Variants in ZZEF1 observed in about 807,000 individuals in gnomAD.
ZZEF1 encodes zinc finger ZZ-type and EF-hand domain-containing protein 1.
ZZEF1 carries 157 observed loss-of-function variants against 342.8 expected under a neutral mutation model. The ratio of observed to expected loss-of-function variants is 0.46; its 90% confidence interval spans 0.40 to 0.52. ZZEF1 has a LOEUF of 0.52. Among genes scored for constraint, ZZEF1 ranks in the 20% least tolerant of loss-of-function variants. The pLI is 0.00. For synonymous variants in ZZEF1, 1,505 were observed against 1,429.1 expected, an observed-to-expected ratio of 1.05 and a Z score of -1.20; for missense variants, 3,480 against 3,725.6, an observed-to-expected ratio of 0.93 and a Z score of 1.72.
chr17:4,054,049 A>C lies in ZZEF1; in HGVS notation c.5434+8T>G. 1 of 1,608,570 alleles carries C rather than the reference A, an allele frequency of 6.2e-7. No homozygotes were observed. The highest frequency in any genetic ancestry group is 8.5e-7 in the Non-Finnish European group (1 of 1,177,028). Reference sequence around the variant, plus strand: ...TTGGATACGGCGTACCCAGTTCATGAAATTTACCTAGGAAGCAAGTTTTGC... The same window carrying C: ...TTGGATACGGCGTACCCAGTTCATGCAATTTACCTAGGAAGCAAGTTTTGC... On this transcript the variant is annotated splice_region_variant and intron_variant, in intron 34 of 54. Coordinates refer to ENST00000381638, the MANE Select transcript of ZZEF1 (RefSeq NM_015113.4).
intron 13 of ZZEF1, among the ~76,000 whole-genome samples, chr17:4,087,741 ATATGTATG>A (rs779337775): frequency 6.6e-6 from 1 of 151,694 alleles, no homozygotes; most frequent in Admixed American, 6.6e-5. Context: ...TGTGTGTGTT[ATATGTATG>A]TATGTATGTA....
intron 16 of ZZEF1, among the ~76,000 whole-genome samples, chr17:4,084,393 A>G (rs2057780833): frequency 6.6e-6 from 1 of 151,534 alleles, no homozygotes; most frequent in Admixed American, 6.6e-5. Flanking sequence ...AATTTTGTTT[A>G]TATGTTGTTG....
chr17:4,020,310 A>C (rs2056236070), intron 45 of ZZEF1, among the ~76,000 whole-genome samples: 1 of 152,206 alleles, frequency 6.6e-6, no homozygotes. Flanking sequence ...TATCAATGAC[A>C]TCATCATTTT....
At chr17:4,075,060 G>A in intron 23 of ZZEF1, 37 bp downstream of exon 23, 1 of 1,596,272 alleles carries the variant, frequency 6.3e-7, no homozygotes, top group Non-Finnish European at 8.6e-7. Context: ...AAGCATTGGT[G>A]CAGAAGTAGG....
rs912738200 is a variant in ZZEF1, at chr17:4,027,289, T to C, written c.6893-2171A>G. On this transcript the variant is annotated intron_variant, in intron 42 of 54. Transcript: ENST00000381638. The stretch of plus-strand genomic sequence containing the variant: ...CTACGCACCCAGCAATATCTCACTT[T>C]TTTTTTTTTTTTTTTTTTTTTTTGA... Among the ~76,000 whole-genome samples the C allele has an allele frequency of 1.1e-3, 133 of 124,148 alleles. 2 individuals are homozygous for C. The highest frequency in any genetic ancestry group is 6.3e-4 in the Non-Finnish European group (39 of 62,042). The allele number at this position is 124,148 out of a possible 152,430, so 81.4% of individuals were successfully genotyped here. A position where few individuals can be genotyped will look rare whatever the true frequency, so the allele number is the denominator to read the frequency against.
chr17:4,106,789 A>G (rs1220537734), intron 6 of ZZEF1, among the ~76,000 whole-genome samples: 1 of 152,248 alleles, frequency 6.6e-6, no homozygotes, highest in African/African-American at 2.4e-5. Context: ...GACTGAATGT[A>G]CCATGAAAAA....
Position 4,070,830 on chromosome 17 carries a change from A to G in ZZEF1, c.3929T>C (p.Leu1310Pro), listed in dbSNP as rs779662451. ...AQNFCGPYSE[L>P]FKGFIQACRK... ...ACATGCCTGTATGAATCCTTTGAAAAGTTCTGAATATGGCCCACAGAAGTT... is the reference window on the plus strand; with the variant it reads ...ACATGCCTGTATGAATCCTTTGAAAGGTTCTGAATATGGCCCACAGAAGTT... The change falls in exon 26 of 55, where the codon CTT becomes CCT. Residue 1310 changes from leucine (L) to proline (P), a missense_variant. Around this residue, in one of 5 missense-constraint regions of ZZEF1, gnomAD observed 1,528 missense variants for 1,624.1 expected, o/e 0.94. Transcript: ENST00000381638. 6 of 1,614,044 alleles carry G rather than the reference A, an allele frequency of 3.7e-6. No homozygotes were observed. The highest frequency in any genetic ancestry group is 5.1e-6 in the Non-Finnish European group (6 of 1,180,046).
chr17:4,097,476 GGAAAAAA>G (rs2058056563), intron 9 of ZZEF1, among the ~76,000 whole-genome samples: 3 of 113,962 alleles, frequency 2.6e-5, no homozygotes, highest in Non-Finnish European at 3.5e-5. Flanking sequence ...CTTTGAAATG[GGAAAAAA>G]AAAAAAAAAA....
At chr17:4,131,527 C>A (rs1000461899) in intron 1 of ZZEF1, among the ~76,000 whole-genome samples, 1 of 151,894 alleles carries the variant, frequency 6.6e-6, no homozygotes, top group African/African-American at 2.4e-5. Context: ...GCCTGTAATC[C>A]CAGCACTTTG....
chr17:4,019,064 G>A (rs947554710), intron 46 of ZZEF1, among the ~76,000 whole-genome samples: 1 of 151,764 alleles, frequency 6.6e-6, no homozygotes, highest in African/African-American at 2.4e-5. Context: ...AGCTTAGACT[G>A]TACCCTAACT....
chr17:4,068,213 CTGATAATTATTTT>C (rs2057440161), intron 26 of ZZEF1, among the ~76,000 whole-genome samples: 2 of 152,086 alleles, frequency 1.3e-5, no homozygotes, highest in South Asian at 4.1e-4. Context: ...GAGACTGTAG[CTGATAATTATTTT>C]AAGCTTTTCT....
chr17:4,015,928 T>A (rs1030576170), intron 49 of ZZEF1, among the ~76,000 whole-genome samples: 5 of 152,160 alleles, frequency 3.3e-5, no homozygotes, highest in African/African-American at 9.7e-5. Context: ...AAAGGGGCTG[T>A]AGTATCCACG....
chr17:4,115,196 A>T (rs531562969), intron 3 of ZZEF1, among the ~76,000 whole-genome samples: 7 of 152,052 alleles, frequency 4.6e-5, no homozygotes, highest in South Asian at 2.1e-4. Context: ...TAATTTTTTT[A>T]AAAATTTTTT....
chr17:4,061,341 C>T (rs2057283148), intron 30 of ZZEF1, among the ~76,000 whole-genome samples: 1 of 152,114 alleles, frequency 6.6e-6, no homozygotes, highest in Non-Finnish European at 1.5e-5. Context: ...TCTTGATCTC[C>T]TTAGCTGACA....
At position 4,016,052 on chromosome 17, in the gene ZZEF1, G is replaced by C. The variant is rs771118307; in HGVS notation, c.8145+271C>G. 3.0e-4 allele frequency among the ~76,000 whole-genome samples: 46 copies of C among 152,358 alleles called. No individual in the cohort carries two copies. Among genetic ancestry groups the C allele is most frequent in the Non-Finnish European group, 5.6e-4 (38 of 68,038 alleles). ...CTCACTCTGAGGAGCCTGCCGCAGGGAAAGTAAAGCTCTCCTCCAGGGCTA... is the reference window on the plus strand; with the variant it reads ...CTCACTCTGAGGAGCCTGCCGCAGGCAAAGTAAAGCTCTCCTCCAGGGCTA... On this transcript the variant is annotated intron_variant, in intron 49 of 54. Transcript: ENST00000381638. The surrounding 1 kb of genome is among the most constrained non-coding windows in gnomAD (Gnocchi z 4.4).
At position 4,142,935 on chromosome 17, in the gene ZZEF1, C is replaced by T. The variant is rs1159952808; in HGVS notation, c.-40G>A. The T allele has an allele frequency of 1.5e-6, 2 of 1,300,784 alleles. No individual in the cohort carries two copies. Among genetic ancestry groups the T allele is most frequent in the Non-Finnish European group, 1.9e-6 (2 of 1,027,984 alleles). The allele number at this position is 1,300,784 out of a possible 1,614,324, so 80.6% of individuals were successfully genotyped here. Reference sequence around the variant, plus strand: ...GGGCGCCTGGCTCTGCAGCCGCCGCCGCCGCCTCCCCGCCTCGACCTGTCA... The same window carrying T: ...GGGCGCCTGGCTCTGCAGCCGCCGCTGCCGCCTCCCCGCCTCGACCTGTCA... On this transcript the variant is annotated 5_prime_UTR_variant, in exon 1 of 55. Coordinates refer to ENST00000381638, the MANE Select transcript of ZZEF1 (RefSeq NM_015113.4).
chr17:4,091,844 A>G (rs1441610679), intron 11 of ZZEF1, among the ~76,000 whole-genome samples: 1 of 151,852 alleles, frequency 6.6e-6, no homozygotes, highest in Non-Finnish European at 1.5e-5. Flanking sequence ...TGGGAGGCTG[A>G]GGCAGGCAGA....
intron 42 of ZZEF1, among the ~76,000 whole-genome samples, chr17:4,027,002 C>CA (rs2056422278): frequency 6.6e-6 from 1 of 152,128 alleles, no homozygotes; most frequent in African/African-American, 2.4e-5. Context: ...CACGTCCCCC[C>CA]ACAAAACTAA....
At chr17:4,055,814 T>C (rs772471937) in intron 33 of ZZEF1, among the ~76,000 whole-genome samples, 8 of 152,222 alleles carry the variant, frequency 5.3e-5, no homozygotes, top group Non-Finnish European at 1.2e-4. Context: ...GTCCCCCTTT[T>C]TGGCACCAGG....
Sources: gnomAD v4.1 joint callset for allele counts (sites outside exome capture counted in the v4.1 genomes callset) on GRCh38, gnomAD v4.1.1 for gene constraint, gnomAD v4.1.1 regional missense constraint, Gnocchi (gnomAD v3.1) non-coding constraint, MANE v1.5 for transcripts, NCBI Gene and HGNC (gene_info 2026-07-23, HGNC 2026-07-21) for gene names.